The following LGR4 variants were observed in gnomAD, a reference collection of about 807,000 sequenced individuals.
The protein encoded by LGR4 is leucine rich repeat containing G protein-coupled receptor 4, also known as leucine-rich repeat-containing G protein-coupled receptor 4.
Under a neutral mutation model 84.8 loss-of-function variants are expected in LGR4, and 44 were observed. The observed-to-expected ratio is 0.52, with a 90% CI of 0.41 to 0.67. The LOEUF is 0.67. Ranked by LOEUF, LGR4 falls within the 30% of genes least tolerant of loss-of-function variation. The pLI is 0.00. For missense variants in LGR4, 1,032 were observed against 1,131.4 expected, an observed-to-expected ratio of 0.91 and a Z score of 1.26; for synonymous variants, 429 against 434.3, an observed-to-expected ratio of 0.99 and a Z score of 0.15.
chr11:27,439,221 T>C (rs12576419), intron 1 of LGR4, among the ~76,000 whole-genome samples: 31,114 of 151,990 alleles, frequency 0.2, 3,455 homozygotes, highest in East Asian at 0.32. Context: ...TAACTCCCTA[T>C]TCCCCACTCC....
At chr11:27,424,986 A>G (rs1269727766) in intron 1 of LGR4, among the ~76,000 whole-genome samples, 1 of 152,098 alleles carries the variant, frequency 6.6e-6, no homozygotes, top group African/African-American at 2.4e-5. Context: ...ACCTCAGGCA[A>G]TCCACCCGCC....
chr11:27,380,164 G>T, intron 10 of LGR4, 107 bp downstream of exon 10: 1 of 638,570 alleles, frequency 1.6e-6, no homozygotes, highest in Non-Finnish European at 2.7e-6. Flanking sequence ...AAGGGAAACC[G>T]GAGGAATCAA....
chr11:27,436,378 A>G (rs1435557479), intron 1 of LGR4, among the ~76,000 whole-genome samples: 1 of 139,312 alleles, frequency 7.2e-6, no homozygotes, highest in South Asian at 2.7e-4. Context: ...AGAAAGAGAG[A>G]GAGAGAGGAT....
intron 1 of LGR4, among the ~76,000 whole-genome samples, chr11:27,467,562 G>A (rs1205267771): frequency 5.0e-5 from 5 of 100,620 alleles, no homozygotes; most frequent in Admixed American, 1.9e-4. Flanking sequence ...GCAAGAGTCC[G>A]TCTCAAAAAA....
At chr11:27,420,665 A>G (rs567777072) in intron 1 of LGR4, among the ~76,000 whole-genome samples, 2 of 152,122 alleles carry the variant, frequency 1.3e-5, no homozygotes, top group African/African-American at 4.8e-5. Flanking sequence ...TCATACACAC[A>G]CACCTATATA....
chr11:27,391,188 T>C (rs1490433933), intron 3 of LGR4, 23 bp from the exon 4 acceptor site: 3 of 1,417,024 alleles, frequency 2.1e-6, no homozygotes, highest in Non-Finnish European at 2.9e-6. Context: ...TTTTGGTTAG[T>C]GAGTAACAAG....
At chr11:27,449,505 C>T (rs1024805094) in intron 1 of LGR4, among the ~76,000 whole-genome samples, 2 of 151,898 alleles carry the variant, frequency 1.3e-5, no homozygotes, top group Admixed American at 1.3e-4. Flanking sequence ...TGACTTGAGC[C>T]TAAGAGCTTG....
chr11:27,420,374 G>A (rs913151061), intron 1 of LGR4, among the ~76,000 whole-genome samples: 5 of 152,084 alleles, frequency 3.3e-5, no homozygotes, highest in African/African-American at 1.2e-4. Flanking sequence ...GCTAGGACAA[G>A]TGAGACACAG....
chr11:27,390,735 C>T (rs561622522), intron 4 of LGR4, among the ~76,000 whole-genome samples: 79 of 152,268 alleles, frequency 5.2e-4, no homozygotes, highest in African/African-American at 1.4e-3. Flanking sequence ...CATTACCACA[C>T]GAAACAGAAA....
chr11:27,451,885 T>C (rs909887256), intron 1 of LGR4, among the ~76,000 whole-genome samples: 1 of 152,204 alleles, frequency 6.6e-6, no homozygotes, highest in East Asian at 1.9e-4. Flanking sequence ...AAAAATATGA[T>C]TCAAACCATT....
At chr11:27,432,205 A>C (rs79811440) in intron 1 of LGR4, among the ~76,000 whole-genome samples, 8,625 of 152,136 alleles carry the variant, frequency 0.057, 304 homozygotes, top group East Asian at 0.1. Flanking sequence ...AATTCCCTAA[A>C]TCCTCCTTCC....
At chr11:27,437,660 A>AGT (rs10659033) in intron 1 of LGR4, among the ~76,000 whole-genome samples, 12,590 of 140,028 alleles carry the variant, frequency 0.09, 764 homozygotes, top group African/African-American at 0.18. Flanking sequence ...TTAAAGGACT[A>AGT]GTGTGTGTGT....
chr11:27,471,678 G>A (rs1246509003), intron 1 of LGR4: 1 of 153,526 alleles, frequency 6.5e-6, no homozygotes, highest in African/African-American at 2.4e-5. Flanking sequence ...TCGGTATGCA[G>A]ACTGAGGCCA....
chr11:27,412,272 C>G (rs2133397939), intron 2 of LGR4, among the ~76,000 whole-genome samples: 1 of 152,202 alleles, frequency 6.6e-6, no homozygotes, highest in African/African-American at 2.4e-5. Context: ...GTTAAAGGTG[C>G]TCTTAGAGAC....
intron 1 of LGR4, among the ~76,000 whole-genome samples, chr11:27,432,535 G>A (rs1052329751): frequency 9.2e-5 from 14 of 152,124 alleles, no homozygotes; most frequent in Non-Finnish European, 1.9e-4. Flanking sequence ...GGAAAATAAA[G>A]AGAAAAGAAA....
rs545089505 is a variant in LGR4 at position 27,368,604 on chromosome 11, T to C, written c.2119A>G (p.Thr707Ala). ...GAGTTTAATAGCACTAACGTTACAG[T>C]GAATCCTAATGATGGCGTTTCACCT... The part of the protein sequence containing the change: ...PTGETPSLGF[T>A]VTLVLLNSLA... The change falls in exon 18 of 18, where the codon ACT becomes GCT. Residue 707 changes from threonine (T) to alanine (A), a missense_variant. Coordinates refer to ENST00000379214, the MANE Select transcript of LGR4 (RefSeq NM_018490.5). 2 of 1,613,790 alleles carry C rather than the reference T, an allele frequency of 1.2e-6. No homozygotes were observed. Among genetic ancestry groups the C allele is most frequent in the South Asian group, 2.2e-5 (2 of 90,996 alleles).
chr11:27,432,233 C>A (rs554414769), intron 1 of LGR4, among the ~76,000 whole-genome samples: 1 of 152,224 alleles, frequency 6.6e-6, no homozygotes, highest in Non-Finnish European at 1.5e-5. Flanking sequence ...TCCTACTGTA[C>A]GCTAGCAGCC....
At chr11:27,384,672 G>A (rs1863154191) in intron 5 of LGR4, among the ~76,000 whole-genome samples, 1 of 152,024 alleles carries the variant, frequency 6.6e-6, no homozygotes, top group African/African-American at 2.4e-5. Flanking sequence ...TACATACATG[G>A]AAGATTAATA....
At chr11:27,371,570 T>C (rs1862883341) in intron 17 of LGR4, 45 bp downstream of exon 17, 2 of 1,324,900 alleles carry the variant, frequency 1.5e-6, no homozygotes, top group Non-Finnish European at 2.2e-6. Context: ...ATTTGCCTAA[T>C]GTTTGTTTAA....
Sources: gnomAD v4.1 joint callset for allele counts (sites outside exome capture counted in the v4.1 genomes callset) on GRCh38, gnomAD v4.1.1 for gene constraint, MANE v1.5 for transcripts, NCBI Gene and HGNC (gene_info 2026-07-23, HGNC 2026-07-21) for gene names.